NYAP2: variants seen among roughly 807,000 people sequenced by gnomAD.
The protein encoded by NYAP2 is neuronal tyrosine-phosphorylated phosphoinositide-3-kinase adaptor 2.
A neutral mutation model predicts 50.4 loss-of-function variants in NYAP2; 23 were observed. The observed-to-expected ratio is 0.46, with a 90% CI of 0.33 to 0.65. The LOEUF is 0.65. Ranked by LOEUF, NYAP2 falls within the 30% of genes least tolerant of loss-of-function variation. The pLI, the probability that NYAP2 is intolerant of heterozygous loss-of-function variation, is 0.02. For missense variants in NYAP2, 885 were observed against 861.0 expected, an observed-to-expected ratio of 1.03 and a Z score of -0.35; for synonymous variants, 394 against 365.2, an observed-to-expected ratio of 1.08 and a Z score of -0.90.
chr2:225,581,847 G>T lies in NYAP2; in HGVS notation c.524-94G>T. 7 of 1,232,740 alleles carry T rather than the reference G, an allele frequency of 5.7e-6. No individual in the cohort carries two copies. The South Asian group carries it at 6.0e-5, about 11-fold the overall frequency. The allele number at this position is 1,232,740 out of a possible 1,614,324, so 76.4% of individuals were successfully genotyped here. A position where few individuals can be genotyped will look rare whatever the true frequency, so the allele number is the denominator to read the frequency against. On this transcript the variant is annotated intron_variant, in intron 4 of 6. Transcript: ENST00000636099. ...AAGAATGAAGCTGTCTACCCCTCTG[G>T]CCTAAAGTTTATTGTAGTAAACCCA...
chr2:225,493,464 G>C (rs1690445612), intron 3 of NYAP2, among the ~76,000 whole-genome samples: 1 of 152,106 alleles, frequency 6.6e-6, no homozygotes, highest in Admixed American at 6.5e-5. Context: ...ACCAACATAA[G>C]GGAAAATGGG....
In NYAP2 at chr2:225,521,145, G is replaced by C. The variant is rs551895799; in HGVS notation, c.523+7473G>C. On this transcript the variant is annotated intron_variant, in intron 4 of 6. Coordinates refer to ENST00000636099, the Ensembl canonical transcript of NYAP2. Reference sequence around the variant, plus strand: ...TTTTGTATCCTGAGACTTTGCTGAAGTTGCTTATCAGCTTAAGGAGATTTT... The same window carrying C: ...TTTTGTATCCTGAGACTTTGCTGAACTTGCTTATCAGCTTAAGGAGATTTT... Among the ~76,000 whole-genome samples the C allele has an allele frequency of 9.0e-3, 1,316 of 146,892 alleles. 17 individuals are homozygous for C. Among genetic ancestry groups the C allele is most frequent in the African/African-American group, 0.032 (1,189 of 37,092 alleles).
At chr2:225,588,331 C>A (rs186567975) in intron 5 of NYAP2, among the ~76,000 whole-genome samples, 4 of 151,956 alleles carry the variant, frequency 2.6e-5, no homozygotes, top group East Asian at 3.9e-4. Context: ...TCATCTTTGC[C>A]TTTTCATTGA....
intron 3 of NYAP2, among the ~76,000 whole-genome samples, chr2:225,435,946 T>C (rs1689368393): frequency 6.6e-6 from 1 of 152,206 alleles, no homozygotes; most frequent in Admixed American, 6.5e-5. Flanking sequence ...ATCTCCCTTA[T>C]GGGGTGGTTG....
chr2:225,601,261 C>T (rs530127974), intron 5 of NYAP2, among the ~76,000 whole-genome samples: 30 of 151,870 alleles, frequency 2.0e-4, no homozygotes, highest in Admixed American at 2.6e-4. Context: ...GCTGGGACTA[C>T]AGGCATGTGC....
intron 5 of NYAP2, among the ~76,000 whole-genome samples, chr2:225,610,819 T>C (rs1692868972): frequency 6.6e-6 from 1 of 152,168 alleles, no homozygotes. Context: ...ACATGAGCCT[T>C]CTAAACATGC....
At chr2:225,667,253 G>T in the NYAP2 span, among the ~76,000 whole-genome samples, 2 of 138,516 alleles carry the variant, frequency 1.4e-5, no homozygotes, top group African/African-American at 4.9e-5. Context: ...AGAAATTTCA[G>T]CCTGATAAAG....
intron 4 of NYAP2, among the ~76,000 whole-genome samples, chr2:225,528,535 A>C (rs1213396236): frequency 6.6e-6 from 1 of 152,224 alleles, no homozygotes. Flanking sequence ...TAAAGATCCA[A>C]GTAAAATACT....
chr2:225,433,172 T>A (rs1354235989), intron 3 of NYAP2, among the ~76,000 whole-genome samples: 1 of 152,158 alleles, frequency 6.6e-6, no homozygotes, highest in East Asian at 1.9e-4. Flanking sequence ...TCATTAATTG[T>A]CTAATTATGT....
intron 4 of NYAP2, among the ~76,000 whole-genome samples, chr2:225,571,068 C>A (rs1016207306): frequency 6.6e-6 from 1 of 152,384 alleles, no homozygotes; most frequent in East Asian, 1.9e-4. Context: ...TCTCCTTTGA[C>A]CCCTTGTCTC....
intron 3 of NYAP2, among the ~76,000 whole-genome samples, chr2:225,423,850 G>A (rs16866590): frequency 6.6e-6 from 1 of 152,112 alleles, no homozygotes; most frequent in Non-Finnish European, 1.5e-5. Context: ...ACATTCACTA[G>A]TTTCAACTCC....
rs576355092 is a variant in NYAP2, at chr2:225,605,702, A to G, written c.1619-21215A>G. ...AAATAAATGATGGCAATCATCTTCA[A>G]ACTTGGAGTAGTGAAACATTTTTCT... On this transcript the variant is annotated intron_variant, in intron 5 of 6. Transcript: ENST00000636099. Among the ~76,000 whole-genome samples, 214 of 152,184 alleles carry G rather than the reference A, an allele frequency of 1.4e-3. 1 individual carries two copies. The highest frequency in any genetic ancestry group is 4.8e-3 in the African/African-American group (199 of 41,554).
chr2:225,424,902 C>T (rs567786183), intron 3 of NYAP2, among the ~76,000 whole-genome samples: 53 of 151,984 alleles, frequency 3.5e-4, no homozygotes, highest in East Asian at 7.7e-4. Context: ...TAGAAGTAAT[C>T]GGGAAAAGAA....
chr2:225,592,053 C>T (rs1692517161), intron 5 of NYAP2, among the ~76,000 whole-genome samples: 1 of 152,132 alleles, frequency 6.6e-6, no homozygotes. Flanking sequence ...ATGACCTAAG[C>T]AAAAAGATGT....
At chr2:225,463,696 C>A (rs1221060664) in intron 3 of NYAP2, among the ~76,000 whole-genome samples, 2 of 152,254 alleles carry the variant, frequency 1.3e-5, no homozygotes, top group Admixed American at 1.3e-4. Context: ...TTCCACATCT[C>A]ATCCTTTCCT....
At chr2:225,566,676 AG>A (rs1691968134) in intron 4 of NYAP2, among the ~76,000 whole-genome samples, 2 of 152,234 alleles carry the variant, frequency 1.3e-5, no homozygotes, top group South Asian at 4.1e-4. Flanking sequence ...AAATTCTGCA[AG>A]TGATAGCTAC....
intron 4 of NYAP2, among the ~76,000 whole-genome samples, chr2:225,572,187 C>A (rs114242130): frequency 0.025 from 3,826 of 152,294 alleles, 150 homozygotes; most frequent in African/African-American, 0.087. Flanking sequence ...CTTTCTTCTT[C>A]CAAGCCCTCC....
At chr2:225,669,683 AC>A in the NYAP2 span, among the ~76,000 whole-genome samples, 4 of 152,312 alleles carry the variant, frequency 2.6e-5, no homozygotes, top group African/African-American at 4.8e-5. Flanking sequence ...AAAGTGAATA[AC>A]AAAAAAATCA....
intron 3 of NYAP2, among the ~76,000 whole-genome samples, chr2:225,421,174 C>T (rs146426306): frequency 1.4e-3 from 211 of 152,262 alleles, no homozygotes; most frequent in Non-Finnish European, 2.4e-3. Flanking sequence ...GGCTTCCAAA[C>T]GCTGAGGAGA....
Sources: gnomAD v4.1 joint callset for allele counts (sites outside exome capture counted in the v4.1 genomes callset) on GRCh38, gnomAD v4.1.1 for gene constraint, MANE v1.5 for transcripts, NCBI Gene and HGNC (gene_info 2026-07-23, HGNC 2026-07-21) for gene names.